Variants in LRBA observed in about 807,000 individuals in gnomAD.
LRBA encodes the protein LPS responsive beige-like anchor protein.
In LRBA, 176 loss-of-function variants were observed where a neutral mutation model predicts 330.0. That is an observed-to-expected ratio of 0.53 (90% CI 0.47 to 0.60). LRBA has a LOEUF of 0.60. Ranked by LOEUF, LRBA falls within the 20% of genes least tolerant of loss-of-function variation. The pLI is 0.00. For synonymous variants in LRBA, 1,230 were observed against 1,193.0 expected, an observed-to-expected ratio of 1.03 and a Z score of -0.64; for missense variants, 3,259 against 3,444.8, an observed-to-expected ratio of 0.95 and a Z score of 1.35.
chr4:150,673,560 T>C lies in LRBA; in HGVS notation c.5921+9991A>G, dbSNP rs78961775. On this transcript the variant is annotated intron_variant, in intron 37 of 56. Coordinates refer to ENST00000651943, the MANE Select transcript of LRBA (RefSeq NM_001364905.1). ...AATCCTACATCTAAATTTCCCACCT[T>C]GCTTACATTTCAGTACATTTGCTTT... Among the ~76,000 whole-genome samples, 387 of 152,308 alleles carry C rather than the reference T, an allele frequency of 2.5e-3. 9 individuals carry two copies. The East Asian group carries it at 0.07, about 28-fold the overall frequency.
intron 40 of LRBA, among the ~76,000 whole-genome samples, chr4:150,552,442 A>G (rs557667128): frequency 5.3e-5 from 8 of 152,084 alleles, no homozygotes; most frequent in Non-Finnish European, 1.0e-4. Flanking sequence ...CAAAACCACA[A>G]TGAGATACCA....
chr4:150,341,497 T>C (rs1233833363), intron 48 of LRBA, among the ~76,000 whole-genome samples: 3 of 152,052 alleles, frequency 2.0e-5, no homozygotes, highest in Non-Finnish European at 4.4e-5. Flanking sequence ...TCTCCCTTCC[T>C]ACCACACGAT....
chr4:150,897,685 G>A, intron 15 of LRBA, 54 bp downstream of exon 15: 1 of 1,235,168 alleles, frequency 8.1e-7, no homozygotes, highest in Non-Finnish European at 1.2e-6. Context: ...TATTTCATGT[G>A]AAATTATAAC....
intron 41 of LRBA, among the ~76,000 whole-genome samples, chr4:150,490,121 T>G (rs2152102479): frequency 6.6e-6 from 1 of 151,456 alleles, no homozygotes; most frequent in South Asian, 2.1e-4. Flanking sequence ...CAGGAGGAGA[T>G]CAAACAGGAA....
intron 2 of LRBA, among the ~76,000 whole-genome samples, chr4:150,964,373 C>T (rs1030298115): frequency 6.7e-6 from 1 of 149,610 alleles, no homozygotes; most frequent in Admixed American, 6.6e-5. Context: ...GCGGTTTTGT[C>T]GAATAGAAAA....
intron 22 of LRBA, among the ~76,000 whole-genome samples, chr4:150,855,691 G>A (rs1751144773): frequency 6.6e-6 from 1 of 151,858 alleles, no homozygotes; most frequent in Admixed American, 6.6e-5. Context: ...TCACTATCCT[G>A]GTATTTCTAT....
chr4:150,675,824 A>G (rs1422036884), intron 37 of LRBA, among the ~76,000 whole-genome samples: 3 of 152,122 alleles, frequency 2.0e-5, no homozygotes, highest in South Asian at 2.1e-4. Context: ...TCACATCACT[A>G]TTATTATAAT....
chr4:150,501,484 T>C lies in LRBA; in HGVS notation c.6331-10449A>G, dbSNP rs189219044. On this transcript the variant is annotated intron_variant, in intron 40 of 56. Coordinates refer to ENST00000651943, the MANE Select transcript of LRBA (RefSeq NM_001364905.1). ...AAAATTAGCTGGAGGTGGTGGTGTG[T>C]GCCTGTGGTCCCAGATACTAGGGCG... 2.6e-5 allele frequency among the ~76,000 whole-genome samples: 4 copies of C among 152,136 alleles called. No individual in the cohort carries two copies. The East Asian group carries it at 7.7e-4, about 29-fold the overall frequency.
intron 44 of LRBA, among the ~76,000 whole-genome samples, chr4:150,445,167 T>C (rs968956703): frequency 2.0e-5 from 3 of 152,122 alleles, no homozygotes; most frequent in African/African-American, 7.2e-5. Flanking sequence ...CAAATAAATC[T>C]ATATGCTTTT....
Position 150,828,416 on chromosome 4 carries a change from A to G in LRBA, c.4935T>C (p.Ser1645=). The change falls in exon 30 of 57, where the codon TCT becomes TCC. Residue 1645 remains serine, a synonymous_variant. Coordinates refer to ENST00000651943, the MANE Select transcript of LRBA (RefSeq NM_001364905.1). Reference sequence around the variant, plus strand: ...TTTCCGGAGACTTATTGACTTCTAAAGAAAGAGTAGATAGCACCTCGCTGA... The same window carrying G: ...TTTCCGGAGACTTATTGACTTCTAAGGAAAGAGTAGATAGCACCTCGCTGA... ...DAISEVLSTL[S]LEVNKSPETK... 1 of 1,614,146 alleles carries G rather than the reference A, an allele frequency of 6.2e-7. No homozygotes were observed. Among genetic ancestry groups the G allele is most frequent in the Non-Finnish European group, 8.5e-7 (1 of 1,180,014 alleles).
At chr4:150,910,903 C>T (rs1731918123) in intron 9 of LRBA, among the ~76,000 whole-genome samples, 1 of 152,056 alleles carries the variant, frequency 6.6e-6, no homozygotes, top group Admixed American at 6.6e-5. Flanking sequence ...TCTTTTGCCA[C>T]CTTGGTTGAG....
In LRBA at chr4:150,315,618, G is replaced by C; in HGVS notation, c.7636C>G (p.Gln2546Glu). The C allele has an allele frequency of 6.3e-7, 1 of 1,579,750 alleles. No homozygotes were observed. Among genetic ancestry groups the C allele is most frequent in the South Asian group, 1.2e-5 (1 of 85,504 alleles). The change falls in exon 51 of 57, where the codon CAA becomes GAA. Residue 2546 changes from glutamine to glutamate, a missense_variant. Physicochemically the swap from Gln to Glu is conservative, Grantham distance 29 (BLOSUM62 2). Coordinates refer to ENST00000651943, the MANE Select transcript of LRBA (RefSeq NM_001364905.1). ...VNKWHNLPAH[Q>E]GAVQDQPYQL... The stretch of plus-strand genomic sequence containing the variant: ...TATGGCTGGTCTTGTACAGCACCTT[G>C]ATGAGCTGGAATTCACAAAAGATAA...
intron 48 of LRBA, among the ~76,000 whole-genome samples, chr4:150,343,573 C>G (rs762310564): frequency 6.6e-6 from 1 of 152,128 alleles, no homozygotes; most frequent in Non-Finnish European, 1.5e-5. Flanking sequence ...TCTACTCAAT[C>G]CAGCCCAGGT....
At chr4:150,721,091 A>G (rs1728869136) in intron 36 of LRBA, 1 of 585,604 alleles carries the variant, frequency 1.7e-6, no homozygotes, top group Non-Finnish European at 3.4e-6. Context: ...TGGATCATAC[A>G]GCAGATGTCC....
chr4:150,700,174 T>C (rs1582086689), intron 36 of LRBA, among the ~76,000 whole-genome samples: 2 of 152,322 alleles, frequency 1.3e-5, no homozygotes, highest in East Asian at 3.9e-4. Flanking sequence ...TTTATTGATA[T>C]TATTTTTATC....
chr4:150,582,870 A>G (rs1043487616), intron 40 of LRBA: 2 of 741,832 alleles, frequency 2.7e-6, no homozygotes, highest in African/African-American at 3.5e-5. Flanking sequence ...CGGCTACGGT[A>G]TCAGCCGGTC....
intron 9 of LRBA, among the ~76,000 whole-genome samples, chr4:150,909,873 C>G (rs1408084558): frequency 6.6e-6 from 1 of 152,112 alleles, no homozygotes; most frequent in Non-Finnish European, 1.5e-5. Context: ...GAGGCAATAG[C>G]TCGCTGTAGT....
intron 40 of LRBA, among the ~76,000 whole-genome samples, chr4:150,539,363 A>C (rs1417210575): frequency 6.6e-6 from 1 of 152,168 alleles, no homozygotes; most frequent in Non-Finnish European, 1.5e-5. Context: ...GTTAGCCATA[A>C]AAAATTTTTT....
intron 47 of LRBA, among the ~76,000 whole-genome samples, chr4:150,396,010 C>A (rs1038682722): frequency 6.6e-6 from 1 of 152,124 alleles, no homozygotes; most frequent in Non-Finnish European, 1.5e-5. Flanking sequence ...GAGTGGGCTG[C>A]GGGATGCCCA....
Sources: allele counts gnomAD v4.1 joint callset (sites outside exome capture counted in the v4.1 genomes callset), GRCh38; gene constraint gnomAD v4.1.1; transcripts MANE v1.5; gene names NCBI Gene and HGNC (gene_info 2026-07-23, HGNC 2026-07-21).